SNCAIP: variants seen among roughly 807,000 people sequenced by gnomAD.
SNCAIP encodes the protein synphilin-1.
In SNCAIP, 43 loss-of-function variants were observed where a neutral mutation model predicts 86.7. That is an observed-to-expected ratio of 0.50 (90% confidence interval 0.39 to 0.64). The LOEUF (loss-of-function observed/expected upper bound fraction) is 0.64, where lower values mean the gene tolerates loss of function less well. Among genes scored for constraint, SNCAIP ranks in the 30% least tolerant of loss-of-function variants. SNCAIP has a pLI of 0.00. For missense variants in SNCAIP, 981 were observed against 1,103.1 expected, an observed-to-expected ratio of 0.89 and a Z score of 1.57; for synonymous variants, 417 against 427.2, an observed-to-expected ratio of 0.98 and a Z score of 0.29.
At chr5:122,429,685 A>T (rs1778008066) in intron 5 of SNCAIP, among the ~76,000 whole-genome samples, 1 of 152,124 alleles carries the variant, frequency 6.6e-6, no homozygotes, top group Non-Finnish European at 1.5e-5. Context: ...GCATGCTCCA[A>T]TTGCGAAATT....
intron 1 of SNCAIP, among the ~76,000 whole-genome samples, chr5:122,379,721 C>T (rs1766241128): frequency 6.6e-6 from 1 of 150,938 alleles, no homozygotes; most frequent in Non-Finnish European, 1.5e-5. Flanking sequence ...CCCATCAATA[C>T]CTAATTTATT....
chr5:122,410,121 C>A lies in SNCAIP; in HGVS notation c.130+6256C>A, dbSNP rs969048522. Among the ~76,000 whole-genome samples, 4 of 152,226 alleles carry A rather than the reference C, an allele frequency of 2.6e-5. No individual in the cohort carries two copies. The East Asian group carries it at 7.7e-4, about 29-fold the overall frequency. The stretch of plus-strand genomic sequence containing the variant: ...AGATGAGATTGTTTATCAAATAAAA[C>A]AATTATTTTTATTGTTTAACAAAAT... On this transcript the variant is annotated intron_variant, in intron 3 of 10. Coordinates refer to ENST00000261368, the MANE Select transcript of SNCAIP (RefSeq NM_005460.4).
chr5:122,432,041 G>T lies in SNCAIP; in HGVS notation c.1255G>T (p.Asp419Tyr). 1 of 1,605,750 alleles carries T rather than the reference G, an allele frequency of 6.2e-7. No individual in the cohort carries two copies. Among genetic ancestry groups the T allele is most frequent in the Non-Finnish European group, 8.5e-7 (1 of 1,172,664 alleles). Reference protein sequence around the residue: ...EAIAELSCSKDFPSLIHYAGC... With the variant: ...EAIAELSCSKYFPSLIHYAGC... ...CATTGCAGAACTGAGTTGTTCTAAG[G>T]ATTTTCCAAGCCTTATTCATTACGC... is the stretch of plus-strand genomic sequence containing the variant. Residue 419 changes from aspartate (D) to tyrosine (Y), a missense_variant, in exon 6 of 11, where the codon GAT becomes TAT. Physicochemically the swap from Asp to Tyr is radical, Grantham distance 160. Coordinates refer to ENST00000261368, the MANE Select transcript of SNCAIP (RefSeq NM_005460.4).
upstream of SNCAIP, chr5:122,312,050 C>G (rs1750669999): frequency 6.8e-6 from 1 of 146,204 alleles, no homozygotes; most frequent in Non-Finnish European, 1.5e-5. Flanking sequence ...TCCTTGTCCC[C>G]CAGCGCCGGC....
chr5:122,391,211 A>G lies in SNCAIP; in HGVS notation c.57+20A>G. 1.3e-6 allele frequency: 2 copies of G among 1,548,906 alleles called. No homozygotes were observed. The highest frequency in any genetic ancestry group is 1.8e-6 in the Non-Finnish European group (2 of 1,120,664). The stretch of plus-strand genomic sequence containing the variant: ...ATATCTGTAAGTACCACTGTATACA[A>G]GAAATGCTTTCAAGATAATCTGCCT... On this transcript the variant is annotated intron_variant, in intron 2 of 10. Coordinates refer to ENST00000261368, the MANE Select transcript of SNCAIP (RefSeq NM_005460.4).
intron 1 of SNCAIP, among the ~76,000 whole-genome samples, chr5:122,376,163 A>G (rs1437593970): frequency 6.6e-6 from 1 of 152,138 alleles, no homozygotes; most frequent in Admixed American, 6.5e-5. Flanking sequence ...TAACTCATCT[A>G]GGATTGCTCC....
intron 1 of SNCAIP, among the ~76,000 whole-genome samples, chr5:122,341,106 G>T (rs1203552829): frequency 6.6e-6 from 1 of 152,180 alleles, no homozygotes; most frequent in Admixed American, 6.5e-5. Flanking sequence ...TTTAAAGTTA[G>T]AATCTCTAGT....
chr5:122,355,684 A>G (rs1760860382), intron 1 of SNCAIP, among the ~76,000 whole-genome samples: 1 of 152,188 alleles, frequency 6.6e-6, no homozygotes, highest in Admixed American at 6.5e-5. Flanking sequence ...TCGCATGTTC[A>G]TTGTCAGGCC....
chr5:122,339,542 TTGTC>T (rs1378802966), intron 1 of SNCAIP, among the ~76,000 whole-genome samples: 2 of 152,188 alleles, frequency 1.3e-5, no homozygotes, highest in African/African-American at 4.8e-5. Flanking sequence ...ATTTGGCATA[TTGTC>T]TTTTATTATT....
chr5:122,318,162 C>T (rs1047543278), intron 1 of SNCAIP, among the ~76,000 whole-genome samples: 3 of 152,112 alleles, frequency 2.0e-5, no homozygotes, highest in African/African-American at 4.8e-5. Context: ...TGTTCAGCAA[C>T]GCCTTCTTCT....
chr5:122,388,805 T>C (rs1321393194), intron 1 of SNCAIP: 3 of 152,074 alleles, frequency 2.0e-5, no homozygotes, highest in Non-Finnish European at 4.4e-5. Context: ...ACAAAATAAA[T>C]TGGATCATGA....
intron 10 of SNCAIP, among the ~76,000 whole-genome samples, chr5:122,458,359 T>G (rs1010749037): frequency 2.0e-5 from 3 of 148,166 alleles, no homozygotes; most frequent in Non-Finnish European, 4.5e-5. Flanking sequence ...ACCCCCACCC[T>G]CCTTTCCTTA....
chr5:122,379,612 T>C (rs1398373376), intron 1 of SNCAIP, among the ~76,000 whole-genome samples: 3 of 151,254 alleles, frequency 2.0e-5, no homozygotes, highest in Admixed American at 6.6e-5. Flanking sequence ...ATCCCTGTCT[T>C]GTGCCAGTTT....
intron 10 of SNCAIP, among the ~76,000 whole-genome samples, chr5:122,460,711 TTC>T (rs1400703500): frequency 6.6e-6 from 1 of 152,240 alleles, no homozygotes; most frequent in African/African-American, 2.4e-5. Flanking sequence ...TATATTTTCT[TTC>T]TCATACAATT....
chr5:122,440,874 A>G, intron 7 of SNCAIP, 120 bp downstream of exon 7: 1 of 936,846 alleles, frequency 1.1e-6, no homozygotes, highest in Non-Finnish European at 1.7e-6. Context: ...GGTCGTAGAC[A>G]ATAAGGAATT....
chr5:122,449,785 C>T, intron 8 of SNCAIP, 60 bp from the exon 9 acceptor site: 1 of 1,087,870 alleles, frequency 9.2e-7, no homozygotes. Context: ...ATATTATACA[C>T]CCTAATTTAT....
chr5:122,351,831 T>C (rs1361178024), intron 1 of SNCAIP, among the ~76,000 whole-genome samples: 3 of 152,038 alleles, frequency 2.0e-5, no homozygotes, highest in African/African-American at 4.8e-5. Context: ...ATACAGTATT[T>C]CAGCTGTATG....
chr5:122,335,917 A>G (rs943866155), intron 1 of SNCAIP, among the ~76,000 whole-genome samples: 2 of 152,240 alleles, frequency 1.3e-5, no homozygotes, highest in African/African-American at 4.8e-5. Context: ...AGCTGGGCGA[A>G]TATGTCCTTA....
intron 1 of SNCAIP, among the ~76,000 whole-genome samples, chr5:122,368,947 A>G (rs1763719945): frequency 6.6e-6 from 1 of 152,176 alleles, no homozygotes; most frequent in Admixed American, 6.5e-5. Flanking sequence ...TTTGTCCTAT[A>G]TAAAAATGCA....
Sources: allele counts gnomAD v4.1 joint callset (sites outside exome capture counted in the v4.1 genomes callset), GRCh38; gene constraint gnomAD v4.1.1; transcripts MANE v1.5; gene names NCBI Gene and HGNC (gene_info 2026-07-23, HGNC 2026-07-21).